Variants in ZC4H2 observed in about 807,000 individuals in gnomAD.
ZC4H2 encodes zinc finger C4H2 domain-containing protein.
For synonymous variants in ZC4H2, 84 were observed against 66.3 expected (o/e 1.27, Z -1.30); for missense variants, 137 against 173.9 (o/e 0.79, Z 1.19).
intron 1 of ZC4H2, among the ~76,000 whole-genome samples, chrX:64,934,382 G>C (rs1485018378): frequency 8.9e-6 from 1 of 112,372 alleles, no homozygotes; most frequent in Non-Finnish European, 1.9e-5. Flanking sequence ...CTAATATATT[G>C]TGGGTGAACT....
upstream of ZC4H2, among the ~76,000 whole-genome samples, chrX:64,981,191 T>A (rs751348684): frequency 4.7e-4 from 53 of 111,711 alleles, no homozygotes; most frequent in African/African-American, 1.6e-3. Flanking sequence ...GTCATTGAAC[T>A]GTTATTCTAA....
At chrX:64,994,176 G>A (rs1337862108) in intron 1 of ZC4H2, among the ~76,000 whole-genome samples, 4 of 111,754 alleles carry the variant, frequency 3.6e-5, no homozygotes, top group African/African-American at 6.5e-5. Context: ...TATAGCCTAG[G>A]CACTGTTAAA....
chrX:64,946,951 C>A (rs1930564016), intron 1 of ZC4H2, among the ~76,000 whole-genome samples: 1 of 111,305 alleles, frequency 9.0e-6, no homozygotes, highest in African/African-American at 3.3e-5. Context: ...TGTTTTAAGG[C>A]ATCTCTTCTG....
chrX:65,025,523 C>A (rs1169690440), intron 1 of ZC4H2, among the ~76,000 whole-genome samples: 1 of 111,682 alleles, frequency 9.0e-6, no homozygotes, highest in East Asian at 2.8e-4. Flanking sequence ...AAGATGTGAT[C>A]TGTCTGGAGA....
intron 1 of ZC4H2, among the ~76,000 whole-genome samples, chrX:64,942,436 C>T (rs1930332467): frequency 9.1e-6 from 1 of 110,065 alleles, no homozygotes; most frequent in South Asian, 4.0e-4. Context: ...ACCCATCAAC[C>T]TGTCATCTAC....
At chrX:65,020,392 A>G (rs1321538208) in intron 1 of ZC4H2, among the ~76,000 whole-genome samples, 2 of 112,097 alleles carry the variant, frequency 1.8e-5, no homozygotes, top group East Asian at 5.6e-4. Context: ...CAGCATTATT[A>G]AAGAAAAGAA....
At chrX:65,018,564 C>T (rs1007683604) in intron 1 of ZC4H2, among the ~76,000 whole-genome samples, 8 of 112,037 alleles carry the variant, frequency 7.1e-5, no homozygotes, top group Non-Finnish European at 1.3e-4. Context: ...CCGGTGCTTA[C>T]GCCACCAAGG....
chrX:64,933,288 T>G (rs2147364265), intron 1 of ZC4H2, among the ~76,000 whole-genome samples: 1 of 111,684 alleles, frequency 9.0e-6, no homozygotes, highest in South Asian at 3.7e-4. Context: ...TTTAAGTTGG[T>G]TTTCACCTTT....
intron 1 of ZC4H2, chrX:64,922,277 AAAAAAAGAAAAAG>A (rs1223337941): frequency 1.1e-5 from 3 of 285,415 alleles, no homozygotes; most frequent in Non-Finnish European, 1.6e-5. Context: ...AAAAAAGAAA[AAAAAAAGAAAAAG>A]AAAAAGAAAA....
At chrX:64,927,045 C>T (rs143399798) in intron 1 of ZC4H2, among the ~76,000 whole-genome samples, 2,048 of 111,723 alleles carry the variant, frequency 0.018, 34 homozygotes, top group Middle Eastern at 0.032. Context: ...TTTTCTCCCA[C>T]GCAGTAGCTT....
chrX:64,958,127 T>A (rs936238890), intron 1 of ZC4H2, among the ~76,000 whole-genome samples: 5 of 112,251 alleles, frequency 4.5e-5, no homozygotes, highest in Non-Finnish European at 1.9e-5. Flanking sequence ...AGTAAATGCA[T>A]ACACCAGTAA....
intron 1 of ZC4H2, among the ~76,000 whole-genome samples, chrX:65,004,418 C>T (rs186220544): frequency 3.1e-4 from 35 of 111,977 alleles, no homozygotes; most frequent in East Asian, 1.1e-3. Flanking sequence ...GATGCAAGGA[C>T]GGTTCAACAT....
intron 1 of ZC4H2, among the ~76,000 whole-genome samples, chrX:64,982,361 G>T (rs1932098973): frequency 8.9e-6 from 1 of 111,859 alleles, no homozygotes; most frequent in African/African-American, 3.3e-5. Context: ...TACTCATAGG[G>T]CCCTTGTCCC....
intron 1 of ZC4H2, among the ~76,000 whole-genome samples, chrX:64,984,755 C>T (rs1299210027): frequency 8.9e-6 from 1 of 112,078 alleles, no homozygotes; most frequent in East Asian, 2.8e-4. Context: ...GCCTGATCCC[C>T]AAGCAAGAAG....
At chrX:65,018,144 C>T (rs1338258097) in intron 1 of ZC4H2, among the ~76,000 whole-genome samples, 1 of 112,318 alleles carries the variant, frequency 8.9e-6, no homozygotes, top group Non-Finnish European at 1.9e-5. Flanking sequence ...TAAATAACTC[C>T]ATTAAAAAGT....
At chrX:65,029,965 A>G (rs779627923) in intron 1 of ZC4H2, among the ~76,000 whole-genome samples, 2 of 111,516 alleles carry the variant, frequency 1.8e-5, no homozygotes, top group South Asian at 3.8e-4. Flanking sequence ...GGCAACATCA[A>G]TTTGCGTTAA....
Position 64,916,912 on chromosome X carries a change from T to C in ZC4H2, c.*871A>G. On this transcript the variant is annotated 3_prime_UTR_variant, in exon 5 of 5. Transcript: ENST00000374839. Reference sequence around the variant, plus strand: ...CTCCTCTCCTCCCTGCAATATACCATTGAGCATGTGCCAGAGTAATGGTTC... The same window carrying C: ...CTCCTCTCCTCCCTGCAATATACCACTGAGCATGTGCCAGAGTAATGGTTC... 8.9e-6 allele frequency: 1 copy of C among 112,223 alleles called. No homozygotes were observed. The highest frequency in any genetic ancestry group is 3.8e-4 in the South Asian group (1 of 2,659). 9.2% of individuals were successfully genotyped at this position (112,223 alleles called of 1,213,427 possible). A position where few individuals can be genotyped will look rare whatever the true frequency, so the allele number is the denominator to read the frequency against.
At chrX:65,027,923 G>A (rs946386041) in intron 1 of ZC4H2, among the ~76,000 whole-genome samples, 1 of 111,991 alleles carries the variant, frequency 8.9e-6, no homozygotes, top group African/African-American at 3.2e-5. Flanking sequence ...CTACAAAGGA[G>A]ATTTTCCTAA....
chrX:64,999,039 GTTTTTT>G (rs58094683), intron 1 of ZC4H2, among the ~76,000 whole-genome samples: 6 of 11,850 alleles, frequency 5.1e-4, no homozygotes, highest in African/African-American at 1.4e-3. Context: ...TGGATTATGT[GTTTTTT>G]TTTTTTTTTT....
Sources: gnomAD v4.1 joint callset for allele counts (sites outside exome capture counted in the v4.1 genomes callset) on GRCh38, gnomAD v4.1.1 for gene constraint, MANE v1.5 for transcripts, NCBI Gene and HGNC (gene_info 2026-07-23, HGNC 2026-07-21) for gene names.